HOATZ: variants seen among roughly 807,000 people sequenced by gnomAD.
HOATZ encodes the protein HOATZ cilia and flagella associated protein.
A neutral mutation model predicts 24.9 loss-of-function variants in HOATZ; 26 were observed. The ratio of observed to expected loss-of-function variants is 1.04; its 90% confidence interval spans 0.76 to 1.45. HOATZ has a LOEUF of 1.45. Ranked by LOEUF, HOATZ falls within the 40% of genes most tolerant of loss-of-function variation. HOATZ has a pLI of 0.00. For synonymous variants in HOATZ, 83 were observed against 76.6 expected (o/e 1.08, Z -0.43); for missense variants, 226 against 201.5 (o/e 1.12, Z -0.74).
chr11:111,529,211 A>C (rs1867370027), intron 3 of HOATZ, among the ~76,000 whole-genome samples: 1 of 152,170 alleles, frequency 6.6e-6, no homozygotes, highest in Non-Finnish European at 1.5e-5. Flanking sequence ...AAGCATTAGC[A>C]TTAAATGGAA....
intron 1 of HOATZ, 133 bp downstream of exon 1, chr11:111,515,143 A>C: frequency 1.5e-6 from 1 of 654,136 alleles, no homozygotes; most frequent in East Asian, 2.7e-5. Context: ...TGCATGTATA[A>C]ATATTTCCTG....
chr11:111,536,619 A>T, intron 5 of HOATZ, 151 bp from the exon 6 acceptor site: 1 of 620,908 alleles, frequency 1.6e-6, no homozygotes, highest in Non-Finnish European at 2.9e-6. Flanking sequence ...TCTCTCACAT[A>T]CAAGTTTATA....
At chr11:111,518,402 A>G (rs1458758736) in intron 3 of HOATZ, among the ~76,000 whole-genome samples, 2 of 152,244 alleles carry the variant, frequency 1.3e-5, no homozygotes, top group Non-Finnish European at 2.9e-5. Flanking sequence ...GTGAGATAAC[A>G]TAATTTAGTG....
chr11:111,535,175 A>G (rs1867437395), intron 5 of HOATZ: 1 of 152,244 alleles, frequency 6.6e-6, no homozygotes, highest in African/African-American at 2.4e-5. Flanking sequence ...ACTGCCTTTA[A>G]TGCTGTCAAA....
intron 3 of HOATZ, among the ~76,000 whole-genome samples, chr11:111,529,404 G>A (rs7129795): frequency 0.038 from 5,812 of 151,626 alleles, 228 homozygotes; most frequent in African/African-American, 0.097. Context: ...TCACTCTGTC[G>A]CCAGGCTGGA....
intron 3 of HOATZ, among the ~76,000 whole-genome samples, chr11:111,521,743 A>T (rs532261077): frequency 2.0e-5 from 3 of 152,372 alleles, no homozygotes; most frequent in Admixed American, 6.5e-5. Flanking sequence ...TTGATAGCAA[A>T]TGATAATTAA....
chr11:111,529,242 A>T (rs1488802281), intron 3 of HOATZ, among the ~76,000 whole-genome samples: 6 of 152,194 alleles, frequency 3.9e-5, no homozygotes, highest in African/African-American at 1.4e-4. Context: ...TAAAAGGGTA[A>T]CTCTCAAAGG....
At chr11:111,534,617 G>A (rs1206060984) in intron 5 of HOATZ, 153 bp downstream of exon 5, 1 of 667,208 alleles carries the variant, frequency 1.5e-6, no homozygotes. Context: ...TTTCTTCTCC[G>A]CACAGCTATT....
At chr11:111,533,713 T>A (rs753559438) in intron 3 of HOATZ, 33 bp from the exon 4 acceptor site, 3 of 1,512,330 alleles carry the variant, frequency 2.0e-6, no homozygotes, top group African/African-American at 2.8e-5. Context: ...TATTATTGAA[T>A]CGAGACACCC....
At chr11:111,536,359 G>T in intron 5 of HOATZ, 1 of 169,934 alleles carries the variant, frequency 5.9e-6, no homozygotes, top group Admixed American at 5.6e-5. Context: ...TATAATCCAG[G>T]TCCCCTTCTG....
chr11:111,526,194 T>A (rs1289233684), intron 3 of HOATZ, among the ~76,000 whole-genome samples: 1 of 152,100 alleles, frequency 6.6e-6, no homozygotes, highest in Non-Finnish European at 1.5e-5. Context: ...ATGGCCAATG[T>A]GGTAATATGG....
At chr11:111,519,560 G>A (rs1867246245) in intron 3 of HOATZ, among the ~76,000 whole-genome samples, 1 of 152,080 alleles carries the variant, frequency 6.6e-6, no homozygotes, top group East Asian at 1.9e-4. Context: ...ACAGAATCTG[G>A]TTTTGGATAC....
intron 4 of HOATZ, 121 bp downstream of exon 4, chr11:111,533,926 A>G (rs961496850): frequency 3.1e-6 from 2 of 639,676 alleles, no homozygotes; most frequent in African/African-American, 3.8e-5. Flanking sequence ...AGCCATTGAT[A>G]TACCAGAGTG....
At position 111,534,425 on chromosome 11, in the gene HOATZ, C is replaced by T; in HGVS notation, c.413C>T (p.Ser138Phe). 6.2e-7 allele frequency: 1 copy of T among 1,611,216 alleles called. No homozygotes were observed. Among genetic ancestry groups the T allele is most frequent in the South Asian group, 1.1e-5 (1 of 90,960 alleles). Residue 138 changes from serine (S) to phenylalanine (F), a missense_variant, in exon 5 of 6, where the codon TCC (serine) becomes TTC (phenylalanine). Coordinates refer to ENST00000375618, the MANE Select transcript of HOATZ (RefSeq NM_001100388.2). ...REERISKELISLPYKPKAKEH... is the reference protein window; with the variant it reads ...REERISKELIFLPYKPKAKEH... ...GTTTTGTTTCAGAAAGAACTGATTT[C>T]CCTTCCGTATAAACCAAAAGCCAAA... is the stretch of plus-strand genomic sequence containing the variant.
At chr11:111,529,360 T>A (rs985893435) in intron 3 of HOATZ, among the ~76,000 whole-genome samples, 1 of 152,138 alleles carries the variant, frequency 6.6e-6, no homozygotes, top group African/African-American at 2.4e-5. Flanking sequence ...TATTATTTTC[T>A]CTTAATCTTT....
At chr11:111,525,208 C>G (rs749412147) in intron 3 of HOATZ, among the ~76,000 whole-genome samples, 9 of 152,028 alleles carry the variant, frequency 5.9e-5, no homozygotes, top group Non-Finnish European at 1.2e-4. Flanking sequence ...AGTAATTTAG[C>G]AATTTGTTTT....
At chr11:111,522,025 T>C (rs1867274559) in intron 3 of HOATZ, among the ~76,000 whole-genome samples, 1 of 152,224 alleles carries the variant, frequency 6.6e-6, no homozygotes, top group Non-Finnish European at 1.5e-5. Flanking sequence ...GCTGAATTCA[T>C]TTGTCCCATA....
intron 3 of HOATZ, among the ~76,000 whole-genome samples, chr11:111,518,206 C>G (rs898295616): frequency 6.6e-6 from 1 of 152,150 alleles, no homozygotes; most frequent in Non-Finnish European, 1.5e-5. Flanking sequence ...CATTTGTTGA[C>G]AGTAGAAGAC....
chr11:111,524,367 T>C (rs17112959), intron 3 of HOATZ, among the ~76,000 whole-genome samples: 3,295 of 152,260 alleles, frequency 0.022, 107 homozygotes, highest in African/African-American at 0.075. Flanking sequence ...CCAGAAAAAT[T>C]TGATAGACGT....
Sources: gnomAD v4.1 joint callset for allele counts (sites outside exome capture counted in the v4.1 genomes callset) on GRCh38, gnomAD v4.1.1 for gene constraint, MANE v1.5 for transcripts, NCBI Gene and HGNC (gene_info 2026-07-23, HGNC 2026-07-21) for gene names.